SYNE1: variants seen among roughly 807,000 people sequenced by gnomAD.
SYNE1 encodes the protein spectrin repeat containing nuclear envelope protein 1, also known as nesprin-1.
In SYNE1, 616 loss-of-function variants were observed where a neutral mutation model predicts 1,111.0. That is an observed-to-expected ratio of 0.55 (90% CI 0.52 to 0.59). The LOEUF is 0.59. Ranked by LOEUF, SYNE1 falls within the 20% of genes least tolerant of loss-of-function variation. The pLI, the probability that SYNE1 is intolerant of heterozygous loss-of-function variation, is 0.00. For synonymous variants in SYNE1, 3,855 were observed against 3,825.8 expected (o/e 1.01, Z -0.28); for missense variants, 10,006 against 10,417.0 (o/e 0.96, Z 1.72).
chr6:152,151,543 A>C lies in SYNE1; in HGVS notation c.24450+10T>G, dbSNP rs777612484. ...TCTTCACTTTGGTAACTTGAAAAAT[A>C]ATCTATTACCTTGAGTTGCTTTATT... On this transcript the variant is annotated intron_variant, in intron 135 of 145. Coordinates refer to ENST00000367255, the MANE Select transcript of SYNE1 (RefSeq NM_182961.4). The C allele has an allele frequency of 6.2e-6, 10 of 1,613,680 alleles. No homozygotes were observed. The highest frequency in any genetic ancestry group is 1.7e-4 in the Middle Eastern group (1 of 6,060).
intron 55 of SYNE1, among the ~76,000 whole-genome samples, chr6:152,383,077 C>T (rs916583234): frequency 1.3e-5 from 2 of 152,094 alleles, no homozygotes; most frequent in African/African-American, 2.4e-5. Context: ...TTATGTATTT[C>T]CTCCAAGGTT....
rs768912049 is a variant in SYNE1 at position 152,387,180 on chromosome 6, T to C, written c.8379A>G (p.Leu2793=). 8.7e-6 allele frequency: 14 copies of C among 1,614,050 alleles called. No individual in the cohort carries two copies. Among genetic ancestry groups the C allele is most frequent in the East Asian group, 4.5e-5 (2 of 44,892 alleles). ...CGTAGAGCTCCCTGGACTTCGCAATTAGACGGTGAAGGGCTCTCGTGTGAT... is the reference window on the plus strand; with the variant it reads ...CGTAGAGCTCCCTGGACTTCGCAATCAGACGGTGAAGGGCTCTCGTGTGAT... The part of the protein sequence containing the change: ...AEDHTRALHR[L]IAKSRELYEK... Residue 2793 remains leucine, a synonymous_variant, in exon 54 of 146, where the codon CTA becomes CTG. Coordinates refer to ENST00000367255, the MANE Select transcript of SYNE1 (RefSeq NM_182961.4).
At chr6:152,480,804 T>A (rs1454281910) in intron 14 of SYNE1, 1 of 455,984 alleles carries the variant, frequency 2.2e-6, no homozygotes, top group Non-Finnish European at 4.4e-6. Flanking sequence ...CCTTTCTGGG[T>A]TTTTGTTTGT....
intron 110 of SYNE1, among the ~76,000 whole-genome samples, chr6:152,235,713 T>C (rs1246982229): frequency 6.6e-6 from 1 of 152,134 alleles, no homozygotes; most frequent in Non-Finnish European, 1.5e-5. Flanking sequence ...AGGAGCCATG[T>C]CACTTTCAAG....
At position 152,526,124 on chromosome 6, in the gene SYNE1, C is replaced by T. The variant is rs151156420; in HGVS notation, c.181G>A (p.Val61Ile). The change falls in exon 5 of 146, where the codon GTT becomes ATT. Residue 61 changes from valine (V) to isoleucine (I), a missense_variant. Around this residue, in one of 7 missense-constraint regions of SYNE1, gnomAD observed 1,971 missense variants for 2,084.1 expected, o/e 0.95. Transcript: ENST00000367255. ...ACCTCCAGAAGGGCAAGCAGTTTAA[C>T]ACCATCTTTCATGTCTTCAAAAAGA... ...DDLFEDMKDG[V>I]KLLALLEVLS... 7.7e-5 allele frequency: 124 copies of T among 1,614,122 alleles called. No individual in the cohort carries two copies. The African/African-American group carries it at 1.3e-3, about 17-fold the overall frequency.
At chr6:152,268,389 A>T (rs1436603089) in intron 99 of SYNE1, among the ~76,000 whole-genome samples, 5 of 8,664 alleles carry the variant, frequency 5.8e-4, no homozygotes, top group Admixed American at 2.8e-3. Context: ...TCTGGGGGTT[A>T]AAAAAAAAAA....
intron 108 of SYNE1, among the ~76,000 whole-genome samples, chr6:152,239,326 T>C (rs1247371389): frequency 2.0e-5 from 3 of 152,114 alleles, no homozygotes; most frequent in African/African-American, 4.8e-5. Flanking sequence ...ACTTTCGACA[T>C]GGCACAGCAG....
intron 87 of SYNE1, 73 bp from the exon 88 acceptor site, chr6:152,310,946 A>G: frequency 2.0e-6 from 3 of 1,490,136 alleles, no homozygotes; most frequent in Non-Finnish European, 2.8e-6. Flanking sequence ...ATAGCTTGGC[A>G]TAAAATGCCC....
intron 141 of SYNE1, 90 bp downstream of exon 141, chr6:152,136,528 C>T: frequency 6.6e-7 from 1 of 1,515,244 alleles, no homozygotes; most frequent in Admixed American, 1.8e-5. Flanking sequence ...CAACTGCGTC[C>T]CTCTAGAAAC....
chr6:152,268,388 T>TTA (rs2092908412), intron 99 of SYNE1, among the ~76,000 whole-genome samples: 1 of 142,242 alleles, frequency 7.0e-6, no homozygotes, highest in African/African-American at 2.6e-5. Flanking sequence ...ATCTGGGGGT[T>TTA]AAAAAAAAAA....
chr6:152,443,123 A>G (rs1223724161), intron 30 of SYNE1, among the ~76,000 whole-genome samples: 5 of 152,330 alleles, frequency 3.3e-5, no homozygotes, highest in Admixed American at 2.6e-4. Context: ...AAATGCACCC[A>G]TATAAAAAGT....
At chr6:152,306,068 G>C (rs1442381738) in intron 91 of SYNE1, among the ~76,000 whole-genome samples, 1 of 152,140 alleles carries the variant, frequency 6.6e-6, no homozygotes, top group Non-Finnish European at 1.5e-5. Flanking sequence ...AAAAATCACG[G>C]AATTTGGACA....
intron 7 of SYNE1, among the ~76,000 whole-genome samples, chr6:152,510,667 C>A (rs2099080510): frequency 6.6e-6 from 1 of 152,102 alleles, no homozygotes; most frequent in South Asian, 2.1e-4. Context: ...CATTCCTCCC[C>A]TTCATGTCTA....
At chr6:152,305,480 G>A (rs187455151) in intron 91 of SYNE1, among the ~76,000 whole-genome samples, 14 of 152,198 alleles carry the variant, frequency 9.2e-5, no homozygotes, top group Admixed American at 2.0e-4. Context: ...GGCCAGGCTG[G>A]TCTCAAACTC....
chr6:152,605,128 GGA>G lies in SYNE1; in HGVS notation c.67+23135_67+23136del, dbSNP rs1340486925. 2.8e-3 allele frequency among the ~76,000 whole-genome samples: 365 copies of G among 128,596 alleles called. 5 individuals are homozygous for G. Among genetic ancestry groups the G allele is most frequent in the Non-Finnish European group, 4.2e-3 (255 of 60,694 alleles). 84.4% of individuals were successfully genotyped at this position (128,596 alleles called of 152,430 possible). A position where few individuals can be genotyped will look rare whatever the true frequency, so the allele number is the denominator to read the frequency against. On this transcript the variant is annotated intron_variant, in intron 3 of 145. Transcript: ENST00000367255. ...AGGAAGGAAGGAAGGAAGGAAGGAA[GGA>G]GAAAGGAAAAAATTCTATTAATGGT...
At chr6:152,387,990 G>A (rs1021348920) in intron 53 of SYNE1, among the ~76,000 whole-genome samples, 1 of 152,078 alleles carries the variant, frequency 6.6e-6, no homozygotes, top group African/African-American at 2.4e-5. Flanking sequence ...CAAACCAAAC[G>A]CTCTCCAGAC....
At position 152,539,993 on chromosome 6, in the gene SYNE1, A is replaced by G; in HGVS notation, c.96T>C (p.Thr32=). 6.2e-7 allele frequency: 1 copy of G among 1,613,954 alleles called. No homozygotes were observed. The highest frequency in any genetic ancestry group is 8.5e-7 in the Non-Finnish European group (1 of 1,179,904). ...QDEQEIVQKR[T]FTKWINSHLA... is the part of the protein sequence containing the mutation. ...GATGAGAGTTGATCCATTTTGTGAA[A>G]GTTCGTTTTTGTACTATCTCTTGCT... The change falls in exon 4 of 146, where the codon ACT becomes ACC. Residue 32 remains threonine (T), a synonymous_variant. Transcript: ENST00000367255.
At chr6:152,480,003 C>T (rs1395973816) in intron 14 of SYNE1, among the ~76,000 whole-genome samples, 4 of 152,136 alleles carry the variant, frequency 2.6e-5, no homozygotes, top group African/African-American at 9.7e-5. Flanking sequence ...ACTTTGATAG[C>T]TTGTTCAAGT....
chr6:152,387,939 A>G (rs2097548901), intron 53 of SYNE1, among the ~76,000 whole-genome samples: 1 of 152,234 alleles, frequency 6.6e-6, no homozygotes, highest in African/African-American at 2.4e-5. Flanking sequence ...TCAAGTATTT[A>G]TAAGAAAAAT....
Sources: gnomAD v4.1 joint callset for allele counts (sites outside exome capture counted in the v4.1 genomes callset) on GRCh38, gnomAD v4.1.1 for gene constraint, gnomAD v4.1.1 regional missense constraint, MANE v1.5 for transcripts, NCBI Gene and HGNC (gene_info 2026-07-23, HGNC 2026-07-21) for gene names.